Variants in UBAP1 observed in about 807,000 individuals in gnomAD.
UBAP1 encodes ubiquitin-associated protein 1.
A neutral mutation model predicts 39.0 loss-of-function variants in UBAP1; 5 were observed. The ratio of observed to expected loss-of-function variants is 0.13; its 90% confidence interval spans 0.07 to 0.27. UBAP1 has a LOEUF of 0.27. Among genes scored for constraint, UBAP1 ranks in the 10% least tolerant of loss-of-function variants. The pLI is 1.00. For synonymous variants in UBAP1, 211 were observed against 225.1 expected (o/e 0.94, Z 0.56); for missense variants, 490 against 608.1 (o/e 0.81, Z 2.04).
intron 1 of UBAP1, among the ~76,000 whole-genome samples, chr9:34,194,553 A>G (rs1188940859): frequency 6.6e-6 from 1 of 152,128 alleles, no homozygotes; most frequent in African/African-American, 2.4e-5. Context: ...CGACCTCGTG[A>G]TCCTCCTGCC....
chr9:34,181,208 G>GCGTTCAC, intron 1 of UBAP1, among the ~76,000 whole-genome samples: 1 of 142,072 alleles, frequency 7.0e-6, no homozygotes. Flanking sequence ...TCCGCCTCCC[G>GCGTTCAC]GGCTTGCCAT....
At chr9:34,226,492 G>A (rs10120147) in intron 2 of UBAP1, among the ~76,000 whole-genome samples, 4,114 of 152,058 alleles carry the variant, frequency 0.027, 191 homozygotes, top group African/African-American at 0.094. Context: ...CTGCGTCTGC[G>A]TCCCAAAGTT....
intron 3 of UBAP1, among the ~76,000 whole-genome samples, chr9:34,237,729 G>T (rs897894848): frequency 2.0e-5 from 3 of 151,908 alleles, no homozygotes; most frequent in Admixed American, 6.6e-5. Context: ...CACCATGCCT[G>T]GCTAATTTTT....
chr9:34,225,726 G>A (rs183608354), intron 2 of UBAP1, among the ~76,000 whole-genome samples: 2 of 147,904 alleles, frequency 1.4e-5, no homozygotes, highest in African/African-American at 5.0e-5. Flanking sequence ...CTTGCAGTGA[G>A]CCGAGATCAC....
At chr9:34,234,111 G>C (rs1452016875) in intron 2 of UBAP1, 105 bp from the exon 3 acceptor site, 2 of 1,205,522 alleles carry the variant, frequency 1.7e-6, no homozygotes, top group South Asian at 1.6e-5. Flanking sequence ...GTAACTTCTA[G>C]ACTTAGGATA....
chr9:34,203,797 ATTGTT>A (rs1831532661), intron 1 of UBAP1, among the ~76,000 whole-genome samples: 1 of 151,952 alleles, frequency 6.6e-6, no homozygotes, highest in African/African-American at 2.4e-5. Flanking sequence ...CCATCCTTAT[ATTGTT>A]TTTCCTTTAG....
chr9:34,241,334 C>G lies in UBAP1; in HGVS notation c.309C>G (p.Ser103Arg). The G allele has an allele frequency of 6.6e-7, 1 of 1,516,780 alleles. No individual in the cohort carries two copies. The highest frequency in any genetic ancestry group is 8.8e-7 in the Non-Finnish European group (1 of 1,133,558). The allele number at this position is 1,516,780 out of a possible 1,614,324, so 94.0% of individuals were successfully genotyped here. A position where few individuals can be genotyped will look rare whatever the true frequency, so the allele number is the denominator to read the frequency against. The change falls in exon 4 of 7, where the codon AGC becomes AGG. Residue 103 changes from serine (S) to arginine (R), a missense_variant. Physicochemically the swap from Ser to Arg is moderately radical, Grantham distance 110. Around this residue, in one of 3 missense-constraint regions of UBAP1, gnomAD observed 144 missense variants for 184.4 expected, o/e 0.78. Transcript: ENST00000297661. ...GCCCAGAGGGCGATAGCAAAATGAG[C>G]TTCTCCAAGACTCACAGTACAGCCA... ...KSGPEGDSKM[S>R]FSKTHSTATM...
intron 1 of UBAP1, among the ~76,000 whole-genome samples, chr9:34,210,081 T>C (rs1831932939): frequency 6.6e-6 from 1 of 152,224 alleles, no homozygotes; most frequent in Non-Finnish European, 1.5e-5. Flanking sequence ...TAGGAAAATC[T>C]GAACCAGTAT....
intron 1 of UBAP1, among the ~76,000 whole-genome samples, chr9:34,197,134 G>A (rs1368839251): frequency 6.6e-6 from 1 of 151,890 alleles, no homozygotes; most frequent in Non-Finnish European, 1.5e-5. Flanking sequence ...CACTATGTTG[G>A]CCAGGCTGGC....
chr9:34,190,995 A>G (rs1387907516), intron 1 of UBAP1, among the ~76,000 whole-genome samples: 3 of 152,004 alleles, frequency 2.0e-5, no homozygotes, highest in East Asian at 1.9e-4. Context: ...GAGCATATAT[A>G]TATTAGAGTA....
At chr9:34,187,035 G>A (rs751916292) in intron 1 of UBAP1, among the ~76,000 whole-genome samples, 5 of 152,116 alleles carry the variant, frequency 3.3e-5, no homozygotes, top group African/African-American at 4.8e-5. Context: ...AGCCTCCCGA[G>A]TAGCTGGGAT....
chr9:34,184,951 T>TGA (rs1830314420), intron 1 of UBAP1, among the ~76,000 whole-genome samples: 1 of 135,502 alleles, frequency 7.4e-6, no homozygotes. Context: ...TTTTTTTTTT[T>TGA]GAGATGAAGT....
intron 1 of UBAP1, among the ~76,000 whole-genome samples, chr9:34,183,620 C>T (rs1830213878): frequency 6.6e-6 from 1 of 151,012 alleles, no homozygotes; most frequent in Admixed American, 6.6e-5. Context: ...AAAACTCAAG[C>T]TGAAAAGAAG....
chr9:34,232,743 GTATAATTGTCT>G (rs1459452471), intron 2 of UBAP1, among the ~76,000 whole-genome samples: 1 of 152,230 alleles, frequency 6.6e-6, no homozygotes, highest in African/African-American at 2.4e-5. Context: ...CATGGAAGAG[GTATAATTGTCT>G]TGTTCTGTGT....
At position 34,182,603 on chromosome 9, in the gene UBAP1, T is replaced by TTTTC. The variant is rs1263524303; in HGVS notation, c.-8+3372_-8+3375dup. Among the ~76,000 whole-genome samples, 155 of 149,924 alleles carry TTTTC rather than the reference T, an allele frequency of 1.0e-3. 4 individuals carry two copies. The highest frequency in any genetic ancestry group is 7.8e-3 in the Admixed American group (116 of 14,840). ...ACAAGCTTTTCGTGTTCTTTTTTCT[T>TTTTC]TTTCTTTCTTTCCTTCTTTCTTTCT... On this transcript the variant is annotated intron_variant, in intron 1 of 6. Coordinates refer to ENST00000297661, the MANE Select transcript of UBAP1 (RefSeq NM_016525.5).
At chr9:34,204,920 C>G (rs757228829) in intron 1 of UBAP1, among the ~76,000 whole-genome samples, 5 of 152,282 alleles carry the variant, frequency 3.3e-5, no homozygotes, top group Admixed American at 6.5e-5. Context: ...GGACACTGCA[C>G]TGAACTCTCT....
At chr9:34,246,368 A>C (rs10972021) in intron 4 of UBAP1, among the ~76,000 whole-genome samples, 1 of 152,172 alleles carries the variant, frequency 6.6e-6, no homozygotes, top group Admixed American at 6.5e-5. Context: ...TCCTGGCCTT[A>C]GTTTGTTTAT....
chr9:34,207,048 C>CTTTTTTTTTTTTTTT (rs34197502), intron 1 of UBAP1, among the ~76,000 whole-genome samples: 8 of 90,046 alleles, frequency 8.9e-5, no homozygotes, highest in Admixed American at 5.0e-4. Context: ...ATTGTTATTT[C>CTTTTTTTTTTTTTTT]TTTTTTTTTT....
At chr9:34,225,934 C>T (rs1212215860) in intron 2 of UBAP1, among the ~76,000 whole-genome samples, 2 of 151,714 alleles carry the variant, frequency 1.3e-5, no homozygotes, top group African/African-American at 4.8e-5. Flanking sequence ...AAAACTAGCC[C>T]CCCTCCTTAA....
Sources: gnomAD v4.1 joint callset for allele counts (sites outside exome capture counted in the v4.1 genomes callset) on GRCh38, gnomAD v4.1.1 for gene constraint, gnomAD v4.1.1 regional missense constraint, MANE v1.5 for transcripts, NCBI Gene and HGNC (gene_info 2026-07-23, HGNC 2026-07-21) for gene names.